ZNF304: variants seen among roughly 807,000 people sequenced by gnomAD.
The protein encoded by ZNF304 is zinc finger protein 304, also known as KRAB-containing zinc finger protein.
In ZNF304, 7 loss-of-function variants were observed where a neutral mutation model predicts 7.8. The observed-to-expected ratio is 0.90, with a 90% CI of 0.51 to 1.69. The LOEUF (loss-of-function observed/expected upper bound fraction) is 1.69, where lower values mean the gene tolerates loss of function less well. Among genes scored for constraint, ZNF304 ranks in the 40% most tolerant of loss-of-function variants. The pLI is 0.00. For missense variants in ZNF304, 669 were observed against 804.8 expected (o/e 0.83, Z 2.04); for synonymous variants, 280 against 272.4 (o/e 1.03, Z -0.27).
At position 57,356,156 on chromosome 19, in the gene ZNF304, C is replaced by G; in HGVS notation, c.287C>G (p.Pro96Arg). The change falls in exon 3 of 3, where the codon CCA (proline) becomes CGA (arginine). Residue 96 changes from proline to arginine, a missense_variant. By Grantham distance (103) the Pro-to-Arg change is moderately radical. Transcript: ENST00000282286. Reference protein sequence around the residue: ...QKAHPCEMCDPLLKDILHLAE... With the variant: ...QKAHPCEMCDRLLKDILHLAE... The stretch of plus-strand genomic sequence containing the variant: ...GCACACCCATGTGAGATGTGTGACC[C>G]ACTCTTGAAAGACATTTTGCACCTG... 6.2e-7 allele frequency: 1 copy of G among 1,614,240 alleles called. No individual in the cohort carries two copies. The highest frequency in any genetic ancestry group is 8.5e-7 in the Non-Finnish European group (1 of 1,180,046).
In ZNF304 at chr19:57,358,645, C is replaced by T. The variant is rs1352819275; in HGVS notation, c.*796C>T. The T allele has an allele frequency of 6.6e-6, 1 of 152,226 alleles. No individual in the cohort carries two copies. Among genetic ancestry groups the T allele is most frequent in the Non-Finnish European group, 1.5e-5 (1 of 68,064 alleles). The allele number at this position is 152,226 out of a possible 1,614,324, so 9.4% of individuals were successfully genotyped here. ...GACCAAAGGATGGCAGAAAACTGTT[C>T]TCAGTCTAGTTTGACCTAATTTACA... On this transcript the variant is annotated 3_prime_UTR_variant, in exon 3 of 3. Coordinates refer to ENST00000282286, the MANE Select transcript of ZNF304 (RefSeq NM_020657.4).
chr19:57,354,973 A>G (rs1244740856), intron 2 of ZNF304, among the ~76,000 whole-genome samples: 2 of 152,136 alleles, frequency 1.3e-5, no homozygotes, highest in East Asian at 3.9e-4. Flanking sequence ...GGAAAAGGTT[A>G]GGATTCGGGA....
chr19:57,357,292 T>C lies in ZNF304; in HGVS notation c.1423T>C (p.Tyr475His). ...GATAATTCACACTGGAGCAAGGCCT[T>C]ATGAGTGCAGTGAATGTGGGAAGGC... ...HQIIHTGARP[Y>H]ECSECGKAFS... Residue 475 changes from tyrosine to histidine, a missense_variant, in exon 3 of 3, where the codon TAT (tyrosine) becomes CAT (histidine). Transcript: ENST00000282286. 5 of 1,614,192 alleles carry C rather than the reference T, an allele frequency of 3.1e-6. No individual in the cohort carries two copies. The highest frequency in any genetic ancestry group is 2.2e-5 in the South Asian group (2 of 91,082).
Position 57,351,554 on chromosome 19 carries a change from A to G in ZNF304, c.-111A>G. The G allele has an allele frequency of 2.2e-6, 3 of 1,369,048 alleles. No homozygotes were observed. The highest frequency in any genetic ancestry group is 2.9e-5 in the African/African-American group (2 of 69,608). 84.8% of individuals were successfully genotyped at this position (1,369,048 alleles called of 1,614,324 possible). Reference sequence around the variant, plus strand: ...GCCTTAGTCTTGTGAGCGTTTTTACACCGGGTAGATTGAGACTTGGAGTGC... The same window carrying G: ...GCCTTAGTCTTGTGAGCGTTTTTACGCCGGGTAGATTGAGACTTGGAGTGC... On this transcript the variant is annotated 5_prime_UTR_variant, in exon 1 of 3. Transcript: ENST00000282286. The surrounding 1 kb of genome is among the most constrained non-coding windows in gnomAD (Gnocchi z 4.1).
In ZNF304 at chr19:57,358,139, G is replaced by A; in HGVS notation, c.*290G>A. The A allele has an allele frequency of 2.8e-6, 1 of 353,446 alleles. No individual in the cohort carries two copies. Among genetic ancestry groups the A allele is most frequent in the Non-Finnish European group, 5.1e-6 (1 of 194,438 alleles). The allele number at this position is 353,446 out of a possible 1,614,324, so 21.9% of individuals were successfully genotyped here. On this transcript the variant is annotated 3_prime_UTR_variant, in exon 3 of 3. Transcript: ENST00000282286. ...GGCGGAAGCCATCTTATTGCTACCA[G>A]CTGTGTGTGTCAATCACTCCATTTT...
Position 57,351,629 on chromosome 19 carries a change from T to C in ZNF304, c.-36T>C, listed in dbSNP as rs772806688. On this transcript the variant is annotated 5_prime_UTR_variant, in exon 1 of 3. Transcript: ENST00000282286. This position sits in a 1 kb window ranked among gnomAD's most constrained non-coding sequence, Gnocchi z 4.1. ...CGCGGTGGAGGCGTGGGGTTTCGGC[T>C]GAGCCCACAGGGCACAGACTGTTCA... 1 of 1,613,042 alleles carries C rather than the reference T, an allele frequency of 6.2e-7. No homozygotes were observed. Among genetic ancestry groups the C allele is most frequent in the South Asian group, 1.1e-5 (1 of 91,062 alleles).
At chr19:57,353,636 G>T (rs956493720) in intron 1 of ZNF304, 89 bp from the exon 2 acceptor site, 2 of 1,494,998 alleles carry the variant, frequency 1.3e-6, no homozygotes, top group Non-Finnish European at 1.8e-6. Context: ...CGAGGGACTA[G>T]AGAGTGGGTG....
chr19:57,352,252 T>C (rs11882015), intron 1 of ZNF304, among the ~76,000 whole-genome samples: 62,438 of 152,052 alleles, frequency 0.41, 13,638 homozygotes, highest in Non-Finnish European at 0.47. Context: ...CCAGATTCTC[T>C]GATGAGACAT....
intron 2 of ZNF304, chr19:57,355,428 G>A (rs776606133): frequency 5.4e-6 from 4 of 741,696 alleles, no homozygotes; most frequent in Non-Finnish European, 9.9e-6. Context: ...GTTATGGTTG[G>A]GTTCAAATCG....
Position 57,353,907 on chromosome 19 carries a change from TA to T in ZNF304, c.160+58del. ...CATGGCAAATTATCCCAAAGCTTAG[TA>T]ACTGCAAACAATAAAAATCAATTAT... is the stretch of plus-strand genomic sequence containing the variant. On this transcript the variant is annotated intron_variant, in intron 2 of 2. Coordinates refer to ENST00000282286, the MANE Select transcript of ZNF304 (RefSeq NM_020657.4). 5 of 1,339,916 alleles carry T rather than the reference TA, an allele frequency of 3.7e-6. No homozygotes were observed. In the South Asian group the frequency reaches 8.5e-5, roughly 23 times the overall value. 83.0% of individuals were successfully genotyped at this position (1,339,916 alleles called of 1,614,324 possible).
rs554188323 is a variant in ZNF304 at position 57,358,074 on chromosome 19, C to T, written c.*225C>T. 4.2e-5 allele frequency: 22 copies of T among 529,286 alleles called. No homozygotes were observed. The highest frequency in any genetic ancestry group is 1.4e-4 in the Admixed American group (4 of 27,958). The allele number at this position is 529,286 out of a possible 1,614,324, so 32.8% of individuals were successfully genotyped here. On this transcript the variant is annotated 3_prime_UTR_variant, in exon 3 of 3. Coordinates refer to ENST00000282286, the MANE Select transcript of ZNF304 (RefSeq NM_020657.4). ...GAGGTGTGTTGCACTTTGTAACTGT[C>T]TAGAGCTCTTGATGGAATTATATCA...
chr19:57,351,430 GT>G lies in ZNF304; in HGVS notation c.-234del, dbSNP rs2088271985. 1.7e-6 allele frequency: 1 copy of G among 584,744 alleles called. No individual in the cohort carries two copies. The highest frequency in any genetic ancestry group is 2.0e-5 in the South Asian group (1 of 49,478). The allele number at this position is 584,744 out of a possible 1,614,324, so 36.2% of individuals were successfully genotyped here. ...TTTGTTACAATCCATGACCCCTGTCGTGGGACGGGCGGCCTCTCGCGGAGGT... is the reference window on the plus strand; with the variant it reads ...TTTGTTACAATCCATGACCCCTGTCGGGGACGGGCGGCCTCTCGCGGAGGT... On this transcript the variant is annotated 5_prime_UTR_variant, in exon 1 of 3. An upstream open reading frame in the 5' UTR gains an earlier in-frame stop. Coordinates refer to ENST00000282286, the MANE Select transcript of ZNF304 (RefSeq NM_020657.4). This position sits in a 1 kb window ranked among gnomAD's most constrained non-coding sequence, Gnocchi z 4.1.
Position 57,358,254 on chromosome 19 carries a change from ACC to A in ZNF304, c.*409_*410del, listed in dbSNP as rs1340843261. On this transcript the variant is annotated 3_prime_UTR_variant, in exon 3 of 3. Transcript: ENST00000282286. ...AAGGACTTCCCCCCCCCCCCACTTC[ACC>A]CCCTACCATTGAGGGTCCTCATCTT... 1.7e-5 allele frequency: 1 copy of A among 58,518 alleles called. No homozygotes were observed. Among genetic ancestry groups the A allele is most frequent in the Admixed American group, 1.7e-4 (1 of 5,854 alleles). 3.6% of individuals were successfully genotyped at this position (58,518 alleles called of 1,614,324 possible).
chr19:57,356,410 G>A lies in ZNF304; in HGVS notation c.541G>A (p.Gly181Ser). ...AGGGATGGACTTACCAGATAGCTCT[G>A]GCCTTTTCCAGCACCAGACCACTTA... ...EEGMDLPDSSGLFQHQTTYNR... is the reference protein window; with the variant it reads ...EEGMDLPDSSSLFQHQTTYNR... The change falls in exon 3 of 3, where the codon GGC becomes AGC. Residue 181 changes from glycine to serine, a missense_variant. Physicochemically the swap from Gly to Ser is moderately conservative, Grantham distance 56. Transcript: ENST00000282286. 6.2e-7 allele frequency: 1 copy of A among 1,614,110 alleles called. No homozygotes were observed. The highest frequency in any genetic ancestry group is 8.5e-7 in the Non-Finnish European group (1 of 1,180,018).
At position 57,357,923 on chromosome 19, in the gene ZNF304, T is replaced by A. The variant is rs1018554305; in HGVS notation, c.*74T>A. 4.0e-6 allele frequency: 6 copies of A among 1,516,592 alleles called. No homozygotes were observed. The African/African-American group carries it at 8.4e-5, about 21-fold the overall frequency. 93.9% of individuals were successfully genotyped at this position (1,516,592 alleles called of 1,614,324 possible). ...GTCATCTTGTTCATCCTCATAGGAC[T>A]CACACCAGAGCAATGCTCTGTGAGT... On this transcript the variant is annotated 3_prime_UTR_variant, in exon 3 of 3. Transcript: ENST00000282286.
rs1272276844 is a variant in ZNF304 at position 57,357,545 on chromosome 19, A to T, written c.1676A>T (p.Tyr559Phe). ...AGAGTTCACACAGGAGCAAGGCCTT[A>T]TGTGTGCAGTGAATGTGGGAAGGCT... Reference protein sequence around the residue: ...HQRVHTGARPYVCSECGKAYI... With the variant: ...HQRVHTGARPFVCSECGKAYI... Residue 559 changes from tyrosine to phenylalanine, a missense_variant, in exon 3 of 3, where the codon TAT (tyrosine) becomes TTT (phenylalanine). Tyr to Phe is a conservative substitution (Grantham distance 22). Coordinates refer to ENST00000282286, the MANE Select transcript of ZNF304 (RefSeq NM_020657.4). 1 of 1,613,960 alleles carries T rather than the reference A, an allele frequency of 6.2e-7. No individual in the cohort carries two copies. Among genetic ancestry groups the T allele is most frequent in the Admixed American group, 1.7e-5 (1 of 60,004 alleles).
chr19:57,356,414 T>G lies in ZNF304; in HGVS notation c.545T>G (p.Leu182Arg). The G allele has an allele frequency of 6.2e-7, 1 of 1,614,144 alleles. No homozygotes were observed. ...EGMDLPDSSG[L>R]FQHQTTYNRV... Reference sequence around the variant, plus strand: ...ATGGACTTACCAGATAGCTCTGGCCTTTTCCAGCACCAGACCACTTACAAT... The same window carrying G: ...ATGGACTTACCAGATAGCTCTGGCCGTTTCCAGCACCAGACCACTTACAAT... The change falls in exon 3 of 3, where the codon CTT becomes CGT. Residue 182 changes from leucine (L) to arginine (R), a missense_variant. Transcript: ENST00000282286.
In ZNF304 at chr19:57,358,165, G is replaced by A. The variant is rs1321654967; in HGVS notation, c.*316G>A. The A allele has an allele frequency of 7.4e-6, 2 of 270,524 alleles. No homozygotes were observed. The highest frequency in any genetic ancestry group is 1.4e-5 in the Non-Finnish European group (2 of 142,956). The allele number at this position is 270,524 out of a possible 1,614,324, so 16.8% of individuals were successfully genotyped here. A position where few individuals can be genotyped will look rare whatever the true frequency, so the allele number is the denominator to read the frequency against. On this transcript the variant is annotated 3_prime_UTR_variant, in exon 3 of 3. Transcript: ENST00000282286. ...CTGTGTGTGTCAATCACTCCATTTT[G>A]CTCAGGGAAGGCAGACTTCTGTGCT...
At chr19:57,352,499 T>C (rs2088287630) in intron 1 of ZNF304, among the ~76,000 whole-genome samples, 1 of 152,122 alleles carries the variant, frequency 6.6e-6, no homozygotes, top group Admixed American at 6.6e-5. Flanking sequence ...GAATCTCAGG[T>C]CTTAATTACC....
Sources: allele counts gnomAD v4.1 joint callset (sites outside exome capture counted in the v4.1 genomes callset), GRCh38; gene constraint gnomAD v4.1.1; non-coding constraint Gnocchi (gnomAD v3.1); transcripts MANE v1.5; gene names NCBI Gene and HGNC (gene_info 2026-07-23, HGNC 2026-07-21).